RAB38: variants seen among roughly 807,000 people sequenced by gnomAD.
RAB38 encodes the protein RAB38, member RAS oncogene family, also known as ras-related protein Rab-38.
A neutral mutation model predicts 18.4 loss-of-function variants in RAB38; 15 were observed. That is an observed-to-expected ratio of 0.82 (90% CI 0.55 to 1.26). RAB38 has a LOEUF of 1.26. Ranked by LOEUF, RAB38 falls within the 50% of genes most tolerant of loss-of-function variation. RAB38 has a pLI of 0.00. For missense variants in RAB38, 294 were observed against 267.4 expected (o/e 1.10, Z -0.69); for synonymous variants, 101 against 104.4 (o/e 0.97, Z 0.20).
the RAB38 span, among the ~76,000 whole-genome samples, chr11:88,075,199 C>A: frequency 1.8e-3 from 269 of 152,234 alleles, no homozygotes; most frequent in African/African-American, 6.1e-3. Flanking sequence ...CCAAATAGAC[C>A]TAACTGACAT....
the RAB38 span, among the ~76,000 whole-genome samples, chr11:88,023,169 A>G: frequency 6.6e-6 from 1 of 152,170 alleles, no homozygotes; most frequent in Admixed American, 6.5e-5. Context: ...AAAAAATGAG[A>G]GAAAAATGTT....
chr11:87,874,126 C>G, the RAB38 span, among the ~76,000 whole-genome samples: 8 of 150,960 alleles, frequency 5.3e-5, no homozygotes, highest in African/African-American at 1.9e-4. Flanking sequence ...GAATCTTTCC[C>G]TACTCCTTGT....
At chr11:88,041,260 C>T in the RAB38 span, among the ~76,000 whole-genome samples, 4 of 152,180 alleles carry the variant, frequency 2.6e-5, no homozygotes, top group African/African-American at 4.8e-5. Flanking sequence ...TCCTCACCTG[C>T]GTTTTCAGTC....
the RAB38 span, among the ~76,000 whole-genome samples, chr11:87,967,207 T>A: frequency 2.1e-4 from 32 of 152,336 alleles, no homozygotes; most frequent in African/African-American, 7.5e-4. Flanking sequence ...TATCTAAATT[T>A]GCAGCACTTC....
At chr11:87,936,588 A>C in the RAB38 span, among the ~76,000 whole-genome samples, 14 of 152,104 alleles carry the variant, frequency 9.2e-5, no homozygotes, top group Non-Finnish European at 1.8e-4. Context: ...CCTAAAAAGC[A>C]AGTTTTGAAA....
At chr11:88,119,312 G>T (rs900193050) in intron 2 of RAB38, among the ~76,000 whole-genome samples, 1 of 151,692 alleles carries the variant, frequency 6.6e-6, no homozygotes, top group African/African-American at 2.4e-5. Flanking sequence ...TAACAAACCT[G>T]CACATGTACC....
At chr11:87,803,845 G>A in the RAB38 span, among the ~76,000 whole-genome samples, 2 of 152,204 alleles carry the variant, frequency 1.3e-5, no homozygotes, top group Non-Finnish European at 2.9e-5. Flanking sequence ...TCCCAAGCAA[G>A]TTCAAAACTC....
At chr11:87,843,994 A>C in the RAB38 span, among the ~76,000 whole-genome samples, 2 of 152,200 alleles carry the variant, frequency 1.3e-5, no homozygotes, top group Non-Finnish European at 2.9e-5. Flanking sequence ...TTTTGATAAC[A>C]TATTTCCTCA....
the RAB38 span, among the ~76,000 whole-genome samples, chr11:87,951,265 T>C: frequency 3.9e-5 from 6 of 152,138 alleles, no homozygotes; most frequent in Admixed American, 2.0e-4. Context: ...CTCCTCTGCA[T>C]TGGTTATTCT....
the RAB38 span, among the ~76,000 whole-genome samples, chr11:87,968,866 G>A: frequency 6.6e-6 from 1 of 152,110 alleles, no homozygotes; most frequent in Non-Finnish European, 1.5e-5. Flanking sequence ...TGGACATAGA[G>A]TGTGGAATAG....
chr11:87,839,567 C>A, the RAB38 span, among the ~76,000 whole-genome samples: 1 of 152,116 alleles, frequency 6.6e-6, no homozygotes, highest in African/African-American at 2.4e-5. Context: ...GTAGAGTGAG[C>A]AAAATTACAC....
chr11:88,164,326 G>A lies in RAB38; in HGVS notation c.202+10857C>T, dbSNP rs544870587. 1.0e-4 allele frequency among the ~76,000 whole-genome samples: 15 copies of A among 146,908 alleles called. 1 individual carries two copies. The South Asian group carries it at 2.4e-3, about 23-fold the overall frequency. On this transcript the variant is annotated intron_variant, in intron 1 of 2. Transcript: ENST00000243662. ...TATTTTAAATTTTCAAGGCAAATAC[G>A]GTAGTACTCAAGATCCATTAGACAC...
chr11:88,037,413 CT>C, the RAB38 span, among the ~76,000 whole-genome samples: 3 of 152,002 alleles, frequency 2.0e-5, no homozygotes, highest in Non-Finnish European at 2.9e-5. Context: ...ATTACTTTGA[CT>C]TTTTAATATA....
the RAB38 span, among the ~76,000 whole-genome samples, chr11:87,834,415 G>A: frequency 7.1e-3 from 1,078 of 152,272 alleles, 13 homozygotes; most frequent in East Asian, 0.038. Flanking sequence ...AAACTGGGAG[G>A]TAATAATTGG....
chr11:87,906,227 T>C, the RAB38 span, among the ~76,000 whole-genome samples: 1 of 151,948 alleles, frequency 6.6e-6, no homozygotes, highest in South Asian at 2.1e-4. Context: ...AAAAATCAAA[T>C]GAACAAATAA....
intron 2 of RAB38, among the ~76,000 whole-genome samples, chr11:88,136,492 T>G (rs1473660069): frequency 1.3e-5 from 2 of 152,072 alleles, no homozygotes; most frequent in African/African-American, 4.8e-5. Flanking sequence ...CATAACCCTT[T>G]CGAAAACAAG....
the RAB38 span, chr11:87,816,369 G>A: frequency 6.6e-6 from 1 of 152,392 alleles, no homozygotes; most frequent in South Asian, 2.1e-4. Flanking sequence ...GGGCTTTTGT[G>A]GGGCTAATAG....
chr11:88,072,546 C>G, the RAB38 span, among the ~76,000 whole-genome samples: 1 of 151,884 alleles, frequency 6.6e-6, no homozygotes, highest in Non-Finnish European at 1.5e-5. Context: ...TGAGAATTTC[C>G]AAAATTAATG....
At chr11:87,883,250 A>C in the RAB38 span, among the ~76,000 whole-genome samples, 1 of 151,888 alleles carries the variant, frequency 6.6e-6, no homozygotes, top group African/African-American at 2.4e-5. Flanking sequence ...GTTGCCTTGG[A>C]AATTTTCTGT....
Sources: gnomAD v4.1 joint callset for allele counts (sites outside exome capture counted in the v4.1 genomes callset) on GRCh38, gnomAD v4.1.1 for gene constraint, MANE v1.5 for transcripts, NCBI Gene and HGNC (gene_info 2026-07-23, HGNC 2026-07-21) for gene names.